MCU: variants seen among roughly 807,000 people sequenced by gnomAD.
MCU encodes calcium uniporter protein, mitochondrial.
In MCU, 12 loss-of-function variants were observed where a neutral mutation model predicts 45.2. The ratio of observed to expected loss-of-function variants is 0.27; its 90% CI spans 0.17 to 0.43. The LOEUF (loss-of-function observed/expected upper bound fraction) is 0.43, where lower values mean the gene tolerates loss of function less well. Ranked by LOEUF, MCU falls within the 20% of genes least tolerant of loss-of-function variation. The probability of loss-of-function intolerance (pLI) is 1.00; values close to 1 mark genes in which losing one functional copy is unlikely to be tolerated. For synonymous variants in MCU, 160 were observed against 165.1 expected, an observed-to-expected ratio of 0.97 and a Z score of 0.24; for missense variants, 324 against 436.7, an observed-to-expected ratio of 0.74 and a Z score of 2.30.
At chr10:72,821,216 G>C (rs1434965593) in intron 1 of MCU, among the ~76,000 whole-genome samples, 1 of 147,880 alleles carries the variant, frequency 6.8e-6, no homozygotes. Flanking sequence ...AAATAGGTTT[G>C]TAAGACTTTT....
chr10:72,762,684 A>G (rs1843671788), intron 1 of MCU, among the ~76,000 whole-genome samples: 1 of 152,196 alleles, frequency 6.6e-6, no homozygotes, highest in Non-Finnish European at 1.5e-5. Context: ...ACGTACAGGA[A>G]CTATGCTAGG....
At chr10:72,797,398 G>A (rs1484721128) in intron 1 of MCU, among the ~76,000 whole-genome samples, 1 of 150,368 alleles carries the variant, frequency 6.7e-6, no homozygotes, top group East Asian at 2.0e-4. Context: ...TAATTTTTTT[G>A]TAGTTTTAGT....
chr10:72,768,244 TACTG>T (rs753403852), intron 1 of MCU, among the ~76,000 whole-genome samples: 7 of 152,230 alleles, frequency 4.6e-5, no homozygotes, highest in Non-Finnish European at 1.0e-4. Flanking sequence ...TAGGTGGAAC[TACTG>T]ACTATGAAGT....
Position 72,859,198 on chromosome 10 carries a change from A to G in MCU, c.242A>G (p.Asn81Ser). 6 of 1,599,618 alleles carry G rather than the reference A, an allele frequency of 3.8e-6. No homozygotes were observed. The South Asian group carries it at 4.5e-5, about 12-fold the overall frequency. Residue 81 changes from asparagine to serine, a missense_variant, in exon 3 of 8, where the codon AAT (asparagine) becomes AGT (serine). Physicochemically the swap from Asn to Ser is conservative, Grantham distance 46. Around this residue, in one of 4 missense-constraint regions of MCU, gnomAD observed 111 missense variants for 112.3 expected, o/e 0.99. Transcript: ENST00000373053. ...TCAGATGTTACAGTGGTTTATCAAA[A>G]TGGGTTACCTGTGATATCTGTGAGG... ...PSDDVTVVYQ[N>S]GLPVISVRLP...
At chr10:72,879,720 T>C (rs1845671860) in intron 6 of MCU, among the ~76,000 whole-genome samples, 1 of 152,090 alleles carries the variant, frequency 6.6e-6, no homozygotes, top group Non-Finnish European at 1.5e-5. Context: ...AATAATAAAC[T>C]CTTATGGAAT....
At chr10:72,796,776 C>G (rs1216533303) in intron 1 of MCU, among the ~76,000 whole-genome samples, 1 of 150,908 alleles carries the variant, frequency 6.6e-6, no homozygotes, top group African/African-American at 2.4e-5. Context: ...GACCTTCCTG[C>G]CTCAGCCTCC....
intron 1 of MCU, among the ~76,000 whole-genome samples, chr10:72,711,651 A>G (rs1038628327): frequency 1.3e-5 from 2 of 149,904 alleles, no homozygotes; most frequent in Admixed American, 1.3e-4. Context: ...TTGAGGTTAC[A>G]CTGAGCTATA....
intron 1 of MCU, among the ~76,000 whole-genome samples, chr10:72,765,712 T>G (rs1265400602): frequency 6.9e-6 from 1 of 144,170 alleles, no homozygotes; most frequent in Non-Finnish European, 1.5e-5. Context: ...GAGGATTGCT[T>G]AAGCCCAATA....
Position 72,879,257 on chromosome 10 carries a change from T to G in MCU, c.862-5009T>G, listed in dbSNP as rs143274933. ...CAGCCTGGGTAATAGAGCAAGACTC[T>G]GTATCAAAAAAATAAAATAAAAAAG... is the stretch of plus-strand genomic sequence containing the variant. On this transcript the variant is annotated intron_variant, in intron 6 of 7. Transcript: ENST00000373053. 4.5e-3 allele frequency among the ~76,000 whole-genome samples: 684 copies of G among 152,192 alleles called. 5 individuals are homozygous for G. Among genetic ancestry groups the G allele is most frequent in the African/African-American group, 0.016 (651 of 41,538 alleles).
chr10:72,846,968 T>C (rs1184942135), intron 2 of MCU, among the ~76,000 whole-genome samples: 3 of 152,106 alleles, frequency 2.0e-5, no homozygotes, highest in Admixed American at 1.3e-4. Context: ...TAGATGTCAG[T>C]GTATTGATTT....
In MCU at chr10:72,881,169, C is replaced by G. The variant is rs72812245; in HGVS notation, c.862-3097C>G. Among the ~76,000 whole-genome samples the G allele has an allele frequency of 9.1e-4, 139 of 152,082 alleles. 1 individual carries two copies. Among genetic ancestry groups the G allele is most frequent in the Non-Finnish European group, 6.3e-4 (43 of 67,974 alleles). On this transcript the variant is annotated intron_variant, in intron 6 of 7. Transcript: ENST00000373053. ...GATGGCCCTACAAAGAAAGGAGAGT[C>G]TTTTTCAATAAATGGTGCTAGGACA... is the stretch of plus-strand genomic sequence containing the variant.
At chr10:72,868,241 A>G (rs954358568) in intron 4 of MCU, among the ~76,000 whole-genome samples, 2 of 152,166 alleles carry the variant, frequency 1.3e-5, no homozygotes, top group Non-Finnish European at 2.9e-5. Context: ...TTTGTGGACA[A>G]CTTTTTTGTT....
intron 1 of MCU, among the ~76,000 whole-genome samples, chr10:72,781,206 C>T (rs373306641): frequency 2.0e-5 from 3 of 152,118 alleles, no homozygotes; most frequent in East Asian, 3.9e-4. Flanking sequence ...TTGAATTTGT[C>T]GGGCAGAGTT....
intron 1 of MCU, among the ~76,000 whole-genome samples, chr10:72,816,968 A>T (rs188789732): frequency 6.6e-6 from 1 of 152,198 alleles, no homozygotes; most frequent in African/African-American, 2.4e-5. Flanking sequence ...ATGTATTTCT[A>T]TTTCTTTACT....
chr10:72,819,342 A>G (rs1452925848), intron 1 of MCU, among the ~76,000 whole-genome samples: 1 of 152,222 alleles, frequency 6.6e-6, no homozygotes, highest in Non-Finnish European at 1.5e-5. Flanking sequence ...CATACAATCA[A>G]GACACAACTT....
intron 1 of MCU, among the ~76,000 whole-genome samples, chr10:72,831,272 T>A (rs1261687020): frequency 6.6e-6 from 1 of 152,048 alleles, no homozygotes; most frequent in East Asian, 1.9e-4. Flanking sequence ...AATCTTAAGA[T>A]TGGGGTGGAG....
chr10:72,866,062 C>G (rs896669267), intron 4 of MCU, among the ~76,000 whole-genome samples: 2 of 149,954 alleles, frequency 1.3e-5, no homozygotes, highest in African/African-American at 4.8e-5. Context: ...CAGGTGTGAG[C>G]CACCACGCCC....
At chr10:72,836,153 T>G (rs1844953361) in intron 2 of MCU, among the ~76,000 whole-genome samples, 1 of 152,112 alleles carries the variant, frequency 6.6e-6, no homozygotes, top group Non-Finnish European at 1.5e-5. Flanking sequence ...AAAAAAAAGT[T>G]TACATTGCTG....
intron 1 of MCU, among the ~76,000 whole-genome samples, chr10:72,796,849 C>G (rs1844255674): frequency 1.3e-5 from 2 of 151,880 alleles, no homozygotes; most frequent in South Asian, 2.1e-4. Context: ...CCTCCTTGAC[C>G]AAGAATTATT....
Sources: gnomAD v4.1 joint callset for allele counts (sites outside exome capture counted in the v4.1 genomes callset) on GRCh38, gnomAD v4.1.1 for gene constraint, gnomAD v4.1.1 regional missense constraint, MANE v1.5 for transcripts, NCBI Gene and HGNC (gene_info 2026-07-23, HGNC 2026-07-21) for gene names.